The following C11orf65 variants were observed in gnomAD, a reference collection of about 807,000 sequenced individuals.
The protein encoded by C11orf65 is protein MFI.
A neutral mutation model predicts 35.3 loss-of-function variants in C11orf65; 38 were observed. The ratio of observed to expected loss-of-function variants is 1.08; its 90% confidence interval spans 0.83 to 1.41. The LOEUF (loss-of-function observed/expected upper bound fraction) is 1.41. C11orf65 is among the 40% of genes most tolerant of loss of function. C11orf65 has a pLI of 0.00. For synonymous variants in C11orf65, 105 were observed against 114.4 expected, an observed-to-expected ratio of 0.92 and a Z score of 0.53; for missense variants, 370 against 367.1, an observed-to-expected ratio of 1.01 and a Z score of -0.06.
chr11:108,408,416 T>C (rs1025170222), intron 3 of C11orf65, among the ~76,000 whole-genome samples: 20 of 152,164 alleles, frequency 1.3e-4, no homozygotes, highest in African/African-American at 4.6e-4. Context: ...GGCTCACACC[T>C]GTAATCCCAA....
At chr11:108,336,010 CA>C in intron 2 of C11orf65, 1 of 1,450,866 alleles carries the variant, frequency 6.9e-7, no homozygotes, top group Non-Finnish European at 9.7e-7. Context: ...TAAAAGATGC[CA>C]TTTGGTTGGG....
chr11:108,330,731 G>C (rs1030060348), downstream of C11orf65, among the ~76,000 whole-genome samples: 1 of 152,190 alleles, frequency 6.6e-6, no homozygotes, highest in Non-Finnish European at 1.5e-5. Context: ...AGAGGGTCTA[G>C]AATGGGGCAT....
intron 2 of C11orf65, among the ~76,000 whole-genome samples, chr11:108,354,070 AACACACACACACACAC>A (rs71047689): frequency 4.4e-5 from 5 of 114,832 alleles, no homozygotes; most frequent in Non-Finnish European, 9.7e-5. Context: ...CACACACACA[AACACACACACACACAC>A]ACACACACAC....
At chr11:108,383,938 G>A (rs1286830341) in intron 8 of C11orf65, among the ~76,000 whole-genome samples, 3 of 146,656 alleles carry the variant, frequency 2.0e-5, no homozygotes, top group South Asian at 4.3e-4. Flanking sequence ...TGGCGCAATC[G>A]CACAGCCTCC....
chr11:108,395,340 T>C (rs1234826942), intron 6 of C11orf65, among the ~76,000 whole-genome samples: 1 of 151,686 alleles, frequency 6.6e-6, no homozygotes, highest in Non-Finnish European at 1.5e-5. Context: ...TTTTTTTTTT[T>C]TTTTGAGATG....
chr11:108,441,861 C>T (rs549707936), intron 2 of C11orf65, among the ~76,000 whole-genome samples: 156 of 152,268 alleles, frequency 1.0e-3, no homozygotes, highest in African/African-American at 3.3e-3. Context: ...ACCACAAAGA[C>T]GGGGAGAAAC....
At chr11:108,321,450 A>G (rs369893096) in intron 6 of C11orf65, 15 of 1,613,596 alleles carry the variant, frequency 9.3e-6, no homozygotes, top group Non-Finnish European at 1.3e-5. Context: ...TTGTTATCCT[A>G]AAGTGCAGCT....
rs138828590 is a variant in C11orf65 at position 108,321,391 on chromosome 11, G to T, written c.641-12320C>A. The T allele has an allele frequency of 1.0e-4, 165 of 1,614,182 alleles. No homozygotes were observed. The African/African-American group carries it at 1.9e-3, about 19-fold the overall frequency. ...TTAGCAGGTTGCAGGCCATTGGAGA[G>T]CTGGAAAGCATTGGGGAGCTTTTCT... On this transcript the variant is annotated intron_variant, in intron 6 of 6. Transcript: ENST00000525729.
At chr11:108,363,919 ATATATT>A (rs1404135296) in intron 2 of C11orf65, among the ~76,000 whole-genome samples, 4 of 152,192 alleles carry the variant, frequency 2.6e-5, no homozygotes, top group African/African-American at 9.7e-5. Context: ...CATTAATAAA[ATATATT>A]AATATTTCCC....
intron 2 of C11orf65, among the ~76,000 whole-genome samples, chr11:108,357,602 A>G (rs1403077594): frequency 6.6e-6 from 1 of 152,180 alleles, no homozygotes; most frequent in African/African-American, 2.4e-5. Flanking sequence ...AGATCGGACA[A>G]CAGGCAGACT....
chr11:108,342,466 A>G (rs913734782), intron 2 of C11orf65, among the ~76,000 whole-genome samples: 5 of 152,198 alleles, frequency 3.3e-5, no homozygotes, highest in African/African-American at 1.2e-4. Flanking sequence ...CTATTTGTGT[A>G]CATATAGCTT....
chr11:108,385,934 G>T lies in C11orf65; in HGVS notation c.773C>A (p.Ser258Ter). Residue 258 changes from serine to a stop codon, truncating the protein, a stop_gained, in exon 8 of 9, where the codon TCG (serine) becomes TAG (stop). Transcript: ENST00000393084. LOFTEE classifies it low-confidence loss of function (END_TRUNC). ...AAATCACCTACCTTTGAAGTTAGCC[G>T]AAGAGTTGCTTGTAGCAATTTCCTT... ...SWKEIATSNS[S>*]ANFKGFRFNQ... 1 of 1,613,758 alleles carries T rather than the reference G, an allele frequency of 6.2e-7. No individual in the cohort carries two copies. The highest frequency in any genetic ancestry group is 8.5e-7 in the Non-Finnish European group (1 of 1,179,818).
At chr11:108,441,918 C>T (rs2093160717) in intron 2 of C11orf65, among the ~76,000 whole-genome samples, 1 of 152,184 alleles carries the variant, frequency 6.6e-6, no homozygotes, top group Non-Finnish European at 1.5e-5. Flanking sequence ...GCCTCTTCTC[C>T]TCCAAAGGAA....
At chr11:108,447,514 C>A (rs1173979782) in intron 2 of C11orf65, among the ~76,000 whole-genome samples, 10 of 152,092 alleles carry the variant, frequency 6.6e-5, no homozygotes, top group Admixed American at 6.5e-4. Flanking sequence ...GGAAACTGAA[C>A]AACCTGCTCC....
downstream of C11orf65, among the ~76,000 whole-genome samples, chr11:108,382,006 G>T (rs368287036): frequency 1.2e-4 from 19 of 152,236 alleles, no homozygotes; most frequent in East Asian, 3.3e-3. Context: ...ATCCTATGGG[G>T]AGGTCTAAGT....
At position 108,418,546 on chromosome 11, in the gene C11orf65, T is replaced by C. The variant is rs117569822; in HGVS notation, c.175-11397A>G. On this transcript the variant is annotated intron_variant, in intron 3 of 8. Transcript: ENST00000393084. ...ATAAAAATTTATGTCCTTAAATACA[T>C]ATACCAGAAAAGGCTACAAGTCAAT... 4.6e-5 allele frequency among the ~76,000 whole-genome samples: 7 copies of C among 152,132 alleles called. No homozygotes were observed. The East Asian group carries it at 1.4e-3, about 29-fold the overall frequency.
In C11orf65 at chr11:108,316,681, G is replaced by A. The variant is rs200087975; in HGVS notation, c.641-7610C>T. 2.1e-4 allele frequency among the ~76,000 whole-genome samples: 31 copies of A among 148,634 alleles called. No homozygotes were observed. In the East Asian group the frequency reaches 2.4e-3, roughly 11 times the overall value. On this transcript the variant is annotated intron_variant, in intron 6 of 6. Transcript: ENST00000525729. ...TCCCAGCACTTTGGGAGGCCGAGGCGAGCAGATCACGAGGTCAGGAGGTCC... is the reference window on the plus strand; with the variant it reads ...TCCCAGCACTTTGGGAGGCCGAGGCAAGCAGATCACGAGGTCAGGAGGTCC...
In C11orf65 at chr11:108,392,045, C is replaced by T. The variant is rs1565637681; in HGVS notation, c.731+1163G>A. The stretch of plus-strand genomic sequence containing the variant: ...CTGGGATTACAGGCGTGAGCCACTA[C>T]ACTTGGCTTTTTGTGTGTGTGTGTG... On this transcript the variant is annotated intron_variant, in intron 7 of 8. Transcript: ENST00000393084. Among the ~76,000 whole-genome samples, 4 of 151,660 alleles carry T rather than the reference C, an allele frequency of 2.6e-5. No homozygotes were observed. The South Asian group carries it at 8.3e-4, about 32-fold the overall frequency.
chr11:108,403,409 G>GTT (rs71047691), intron 6 of C11orf65, among the ~76,000 whole-genome samples: 14,176 of 66,864 alleles, frequency 0.21, 2,179 homozygotes, highest in East Asian at 0.29. Context: ...TGTTTGAGAG[G>GTT]TTTTTTTTTT....
Sources: gnomAD v4.1 joint callset for allele counts (sites outside exome capture counted in the v4.1 genomes callset) on GRCh38, gnomAD v4.1.1 for gene constraint, MANE v1.5 for transcripts, NCBI Gene and HGNC (gene_info 2026-07-23, HGNC 2026-07-21) for gene names.